CLN6: variants seen among roughly 807,000 people sequenced by gnomAD.
CLN6 encodes the protein ceroid-lipofuscinosis neuronal protein 6.
Under a neutral mutation model 33.3 loss-of-function variants are expected in CLN6, and 22 were observed. The observed-to-expected ratio is 0.66, with a 90% CI of 0.47 to 0.94. The LOEUF (loss-of-function observed/expected upper bound fraction) is 0.94, where lower values mean the gene tolerates loss of function less well. Ranked by LOEUF, CLN6 falls within the 40% of genes least tolerant of loss-of-function variation. The pLI is 0.00. For synonymous variants in CLN6, 201 were observed against 174.6 expected (o/e 1.15, Z -1.19); for missense variants, 387 against 417.1 (o/e 0.93, Z 0.63).
intron 1 of CLN6, among the ~76,000 whole-genome samples, chr15:68,226,086 G>A (rs1171850764): frequency 1.3e-5 from 2 of 152,090 alleles, no homozygotes; most frequent in African/African-American, 4.8e-5. Flanking sequence ...TTGGGAGGCT[G>A]AGGCGGGTGA....
Position 68,229,526 on chromosome 15 carries a change from A to G in CLN6, c.59T>C (p.Leu20Pro). The G allele has an allele frequency of 1.4e-6, 2 of 1,467,050 alleles. No individual in the cohort carries two copies. The highest frequency in any genetic ancestry group is 4.7e-5 in the Admixed American group (2 of 42,294). The allele number at this position is 1,467,050 out of a possible 1,614,324, so 90.9% of individuals were successfully genotyped here. The change falls in exon 1 of 7, where the codon CTG (leucine) becomes CCG (proline). Residue 20 changes from leucine (L) to proline (P), a missense_variant. Physicochemically the swap from Leu to Pro is moderately conservative, Grantham distance 98 (BLOSUM62 -3). Transcript: ENST00000249806. ...LGATGGPGAQ[L>P]GASFLQARHG... ...CCTGGCCTGCAGGAAGGAGGCGCCC[A>G]GCTGCGCGCCTGGGCCGCCCGTCGC...
chr15:68,234,678 C>CTTTTCCTTATCATTTCT (rs570717648), upstream of CLN6, among the ~76,000 whole-genome samples: 76 of 152,322 alleles, frequency 5.0e-4, no homozygotes, highest in South Asian at 8.5e-3. This position sits in a 1 kb window ranked among gnomAD's most constrained non-coding sequence, Gnocchi z 4.1. Context: ...GCCCTCCACT[C>CTTTTCCTTATCATTTCT]TTTTCCTTAT....
rs1185774962 is a variant in CLN6 at position 68,246,019 on chromosome 15, C to T, written c.179+10671G>A. Among the ~76,000 whole-genome samples, 1 of 152,036 alleles carries T rather than the reference C, an allele frequency of 6.6e-6. No homozygotes were observed. Among genetic ancestry groups the T allele is most frequent in the Non-Finnish European group, 1.5e-5 (1 of 68,018 alleles). On this transcript the variant is annotated intron_variant, in intron 1 of 6. Coordinates refer to the CLN6 transcript ENST00000538696. The surrounding 1 kb of genome is among the most constrained non-coding windows in gnomAD (Gnocchi z 4.5). The stretch of plus-strand genomic sequence containing the variant: ...GGGTCAGTTTAGCAAGAGGATATAA[C>T]AATTATAAGTATCTATGCACTCAAC...
At chr15:68,214,141 G>A in intron 3 of CLN6, 149 bp downstream of exon 3, 1 of 677,046 alleles carries the variant, frequency 1.5e-6, no homozygotes, top group Non-Finnish European at 2.7e-6. Context: ...CGGGCCCCAG[G>A]CCCTGGACAT....
rs1296581412 is a variant in CLN6, at chr15:68,256,928, C to T, written c.-60G>A. On this transcript the variant is annotated 5_prime_UTR_variant, in exon 1 of 7. Transcript: ENST00000538696. This position sits in a 1 kb window ranked among gnomAD's most constrained non-coding sequence, Gnocchi z 4.1. ...GGGAGGGTCAGGGTGCGCGTCCCAC[C>T]GCGTCGTGGGGCAGGGTGTAGTGAT... The T allele has an allele frequency of 9.6e-6, 6 of 623,802 alleles. No homozygotes were observed. The highest frequency in any genetic ancestry group is 3.7e-5 in the African/African-American group (2 of 54,236). The allele number at this position is 623,802 out of a possible 1,614,324, so 38.6% of individuals were successfully genotyped here.
At position 68,241,868 on chromosome 15, in the gene CLN6, A is replaced by G. The variant is rs55693492; in HGVS notation, c.179+14822T>C. Among the ~76,000 whole-genome samples the G allele has an allele frequency of 6.8e-3, 1,040 of 152,332 alleles. 5 individuals are homozygous for G. Among genetic ancestry groups the G allele is most frequent in the Middle Eastern group, 0.017 (5 of 294 alleles). On this transcript the variant is annotated intron_variant, in intron 1 of 6. Coordinates refer to the CLN6 transcript ENST00000538696. The surrounding 1 kb of genome is among the most constrained non-coding windows in gnomAD (Gnocchi z 4.2). ...CAAACCTGGGCTTAAGAAATCATCT[A>G]GTGCCAAAAAGGAGGTAGTGACCTA...
Position 68,209,597 on chromosome 15 carries a change from C to G in CLN6, c.665+40G>C. ...CAGAATTTTGCTGCCGTGGCTCTCT[C>G]AGTGCCCCTGCCTCTGCCCCCATGC... On this transcript the variant is annotated intron_variant, in intron 6 of 6. Transcript: ENST00000249806. This position sits in a 1 kb window ranked among gnomAD's most constrained non-coding sequence, Gnocchi z 4.9. 6.2e-7 allele frequency: 1 copy of G among 1,609,526 alleles called. No individual in the cohort carries two copies. The highest frequency in any genetic ancestry group is 8.5e-7 in the Non-Finnish European group (1 of 1,179,412).
chr15:68,237,890 C>T (rs1016984987), intron 1 of CLN6, among the ~76,000 whole-genome samples: 2 of 152,002 alleles, frequency 1.3e-5, no homozygotes, highest in Non-Finnish European at 1.5e-5. Context: ...TTTGGGCGGC[C>T]GAGGCGGGGG....
In CLN6 at chr15:68,256,456, A is replaced by G. The variant is rs975156551; in HGVS notation, c.179+234T>C. 1.3e-5 allele frequency among the ~76,000 whole-genome samples: 2 copies of G among 152,190 alleles called. No individual in the cohort carries two copies. Among genetic ancestry groups the G allele is most frequent in the African/African-American group, 4.8e-5 (2 of 41,450 alleles). ...GTTACTAGAAAATGTAAAATTACATATGTGGCTCGCACTGTATTTCTGTTG... is the reference window on the plus strand; with the variant it reads ...GTTACTAGAAAATGTAAAATTACATGTGTGGCTCGCACTGTATTTCTGTTG... On this transcript the variant is annotated intron_variant, in intron 1 of 6. Transcript: ENST00000538696. This position sits in a 1 kb window ranked among gnomAD's most constrained non-coding sequence, Gnocchi z 4.1.
chr15:68,210,517 G>A lies in CLN6; in HGVS notation c.542+746C>T, dbSNP rs2093201984. 6.6e-6 allele frequency among the ~76,000 whole-genome samples: 1 copy of A among 152,198 alleles called. No individual in the cohort carries two copies. Among genetic ancestry groups the A allele is most frequent in the African/African-American group, 2.4e-5 (1 of 41,450 alleles). ...CCCTGGAAATGCCCGTGCAGGGTGCGTGTGCTGTGAGCACCAACTCAGGAG... is the reference window on the plus strand; with the variant it reads ...CCCTGGAAATGCCCGTGCAGGGTGCATGTGCTGTGAGCACCAACTCAGGAG... On this transcript the variant is annotated intron_variant, in intron 5 of 6. Transcript: ENST00000249806. This position sits in a 1 kb window ranked among gnomAD's most constrained non-coding sequence, Gnocchi z 5.6.
Position 68,211,925 on chromosome 15 carries a change from T to C in CLN6, c.298-62A>G. The C allele has an allele frequency of 1.3e-6, 2 of 1,540,454 alleles. No homozygotes were observed. The highest frequency in any genetic ancestry group is 1.7e-5 in the Admixed American group (1 of 59,022). On this transcript the variant is annotated intron_variant, in intron 3 of 6. Transcript: ENST00000249806. The surrounding 1 kb of genome is among the most constrained non-coding windows in gnomAD (Gnocchi z 5.9). Reference sequence around the variant, plus strand: ...CTCTGTCACAGTATGTGACACCCTCTGCTTCCCCCCTCACACCTGGGGTGG... The same window carrying C: ...CTCTGTCACAGTATGTGACACCCTCCGCTTCCCCCCTCACACCTGGGGTGG...
At chr15:68,223,438 G>C (rs2093243392) in intron 1 of CLN6, among the ~76,000 whole-genome samples, 1 of 152,166 alleles carries the variant, frequency 6.6e-6, no homozygotes, top group Non-Finnish European at 1.5e-5. Flanking sequence ...TCCTTCCTCA[G>C]TAGCCATCAG....
At position 68,214,651 on chromosome 15, in the gene CLN6, C is replaced by T. The variant is rs2093215807; in HGVS notation, c.199-263G>A. 6.8e-6 allele frequency: 3 copies of T among 443,122 alleles called. No individual in the cohort carries two copies. In the Admixed American group the frequency reaches 1.0e-4, roughly 15 times the overall value. The allele number at this position is 443,122 out of a possible 1,614,324, so 27.4% of individuals were successfully genotyped here. A position where few individuals can be genotyped will look rare whatever the true frequency, so the allele number is the denominator to read the frequency against. ...AGATGCAATTCCAGTCAAGGCCTGACCCTGTGCCCCTCACCCAGCAGATAC... is the reference window on the plus strand; with the variant it reads ...AGATGCAATTCCAGTCAAGGCCTGATCCTGTGCCCCTCACCCAGCAGATAC... On this transcript the variant is annotated intron_variant, in intron 2 of 6. Transcript: ENST00000249806.
intron 1 of CLN6, among the ~76,000 whole-genome samples, chr15:68,245,366 G>A (rs1317028473): frequency 6.6e-6 from 1 of 151,946 alleles, no homozygotes; most frequent in Non-Finnish European, 1.5e-5. Flanking sequence ...AGCTTGAGAT[G>A]AGCCTGGGCA....
chr15:68,211,936 T>G lies in CLN6; in HGVS notation c.298-73A>C, dbSNP rs2093207039. On this transcript the variant is annotated intron_variant, in intron 3 of 6. Coordinates refer to ENST00000249806, the MANE Select transcript of CLN6 (RefSeq NM_017882.3). This position sits in a 1 kb window ranked among gnomAD's most constrained non-coding sequence, Gnocchi z 5.9. The stretch of plus-strand genomic sequence containing the variant: ...TATGTGACACCCTCTGCTTCCCCCC[T>G]CACACCTGGGGTGGGATGGACGCTT... The G allele has an allele frequency of 6.8e-7, 1 of 1,467,880 alleles. No individual in the cohort carries two copies. The highest frequency in any genetic ancestry group is 1.4e-5 in the African/African-American group (1 of 72,264). The allele number at this position is 1,467,880 out of a possible 1,614,324, so 90.9% of individuals were successfully genotyped here.
intron 1 of CLN6, among the ~76,000 whole-genome samples, chr15:68,239,661 T>G (rs1892264307): frequency 2.0e-5 from 3 of 152,142 alleles, no homozygotes; most frequent in African/African-American, 4.8e-5. Flanking sequence ...TCCACAGACA[T>G]AGTGGGGTAT....
At position 68,211,726 on chromosome 15, in the gene CLN6, GTGGTGC is replaced by G; in HGVS notation, c.429_434del (p.Gln143_His144del). ...TGATGGGGTTCTCACGGACAGACAGGTGGTGCTGGTAGCCACTGAAGAGCAGGCGGT... is the reference window on the plus strand; with the variant it reads ...TGATGGGGTTCTCACGGACAGACAGGTGGTAGCCACTGAAGAGCAGGCGGT... On this transcript the variant is annotated inframe_deletion, in exon 4 of 7. Coordinates refer to ENST00000249806, the MANE Select transcript of CLN6 (RefSeq NM_017882.3). This position sits in a 1 kb window ranked among gnomAD's most constrained non-coding sequence, Gnocchi z 5.9. 1 of 1,613,990 alleles carries G rather than the reference GTGGTGC, an allele frequency of 6.2e-7. No individual in the cohort carries two copies. Among genetic ancestry groups the G allele is most frequent in the Non-Finnish European group, 8.5e-7 (1 of 1,180,022 alleles).
At chr15:68,233,545 C>CAT (rs1303326646), upstream of CLN6, among the ~76,000 whole-genome samples, 4 of 152,204 alleles carry the variant, frequency 2.6e-5, no homozygotes, top group Non-Finnish European at 4.4e-5. This position sits in a 1 kb window ranked among gnomAD's most constrained non-coding sequence, Gnocchi z 4.3. Context: ...CCTTTCTATC[C>CAT]AGTCTCTTAA....
Position 68,211,355 on chromosome 15 carries a change from T to A in CLN6, c.487-37A>T. 6.2e-7 allele frequency: 1 copy of A among 1,611,408 alleles called. No homozygotes were observed. The highest frequency in any genetic ancestry group is 8.5e-7 in the Non-Finnish European group (1 of 1,177,966). ...ACGGGCAGGGCAGAGTCGGGGGATG[T>A]CGATGTCAGTCCAGGGAGGTGCTGG... On this transcript the variant is annotated intron_variant, in intron 4 of 6. Transcript: ENST00000249806. This position sits in a 1 kb window ranked among gnomAD's most constrained non-coding sequence, Gnocchi z 5.9.
Sources: gnomAD v4.1 joint callset for allele counts (sites outside exome capture counted in the v4.1 genomes callset) on GRCh38, gnomAD v4.1.1 for gene constraint, Gnocchi (gnomAD v3.1) non-coding constraint, MANE v1.5 for transcripts, NCBI Gene and HGNC (gene_info 2026-07-23, HGNC 2026-07-21) for gene names.